The following RPL26 variants were observed in gnomAD, a reference collection of about 807,000 sequenced individuals.
The protein encoded by RPL26 is ribosomal protein L26.
In RPL26, 1 loss-of-function variant was observed where a neutral mutation model predicts 16.2. The ratio of observed to expected loss-of-function variants is 0.06; its 90% CI spans 0.02 to 0.29. The LOEUF (loss-of-function observed/expected upper bound fraction) is 0.29, where lower values mean the gene tolerates loss of function less well. Among genes scored for constraint, RPL26 ranks in the 10% least tolerant of loss-of-function variants. RPL26 has a pLI of 1.00. For missense variants in RPL26, 102 were observed against 184.3 expected, an observed-to-expected ratio of 0.55 and a Z score of 2.58; for synonymous variants, 55 against 62.4, an observed-to-expected ratio of 0.88 and a Z score of 0.56.
At chr17:8,381,937 A>T (rs1440475055) in intron 2 of RPL26, 9 of 434,268 alleles carry the variant, frequency 2.1e-5, no homozygotes, top group Non-Finnish European at 3.7e-5. Context: ...ATCTCAAAAA[A>T]AAAAAAAAAA....
chr17:8,383,002 G>A (rs1462973190), intron 1 of RPL26, 155 bp downstream of exon 1: 2 of 398,412 alleles, frequency 5.0e-6, no homozygotes, highest in Non-Finnish European at 8.8e-6. Flanking sequence ...GGCGGCCCTT[G>A]ATTTAAGAAA....
At chr17:8,378,212 T>TC (rs1353292531) in intron 3 of RPL26, among the ~76,000 whole-genome samples, 3 of 152,002 alleles carry the variant, frequency 2.0e-5, no homozygotes, top group Non-Finnish European at 2.9e-5. Context: ...ATGCCTGTAA[T>TC]CCCAGCTACC....
chr17:8,381,939 A>G (rs1907435831), intron 2 of RPL26: 1 of 467,252 alleles, frequency 2.1e-6, no homozygotes, highest in Admixed American at 4.2e-5. Context: ...CTCAAAAAAA[A>G]AAAAAAAAAA....
At chr17:8,379,996 T>C in intron 2 of RPL26, 60 bp from the exon 3 acceptor site, 2 of 1,452,314 alleles carry the variant, frequency 1.4e-6, no homozygotes, top group Non-Finnish European at 9.6e-7. Context: ...GTAAATCAAG[T>C]AAACAAACTC....
intron 3 of RPL26, 102 bp from the exon 4 acceptor site, chr17:8,377,794 G>A: frequency 9.7e-7 from 1 of 1,030,992 alleles, no homozygotes; most frequent in Non-Finnish European, 1.4e-6. Flanking sequence ...TGGGGTAGGT[G>A]GATGCCTAAT....
intron 3 of RPL26, among the ~76,000 whole-genome samples, chr17:8,377,904 G>A (rs1034479053): frequency 1.3e-5 from 2 of 152,246 alleles, no homozygotes; most frequent in East Asian, 3.8e-4. Flanking sequence ...GAAAAGGCAA[G>A]ATGGTATCAG....
intron 1 of RPL26, 56 bp downstream of exon 1, chr17:8,383,101 C>G (rs1235902832): frequency 2.5e-6 from 1 of 398,544 alleles, no homozygotes; most frequent in Non-Finnish European, 4.4e-6. Flanking sequence ...TCGGAAGCCA[C>G]CATGCCCAAG....
intron 2 of RPL26, 158 bp from the exon 3 acceptor site, chr17:8,380,094 A>C: frequency 1.7e-6 from 1 of 602,950 alleles, no homozygotes; most frequent in African/African-American, 1.9e-5. Flanking sequence ...ACAACAAGGA[A>C]TCTGTTACTC....
At chr17:8,381,407 G>A (rs1907402777) in intron 2 of RPL26, 2 of 152,118 alleles carry the variant, frequency 1.3e-5, no homozygotes, top group African/African-American at 2.4e-5. Context: ...ATTGATAAAA[G>A]GATTAATCCC....
In RPL26 at chr17:8,382,296, G is replaced by A. The variant is rs766566146; in HGVS notation, c.15C>T (p.Pro5=). The A allele has an allele frequency of 9.3e-6, 15 of 1,610,668 alleles. No homozygotes were observed. In the African/African-American group the frequency reaches 1.1e-4, roughly 11 times the overall value. The change falls in exon 2 of 4, where the codon CCC becomes CCT. Residue 5 remains proline (P), a synonymous_variant. Coordinates refer to ENST00000648839, the MANE Select transcript of RPL26 (RefSeq NM_000987.5). Reference sequence around the variant, plus strand: ...TCTTGCTTCGGTCGGAAGTCACAAAGGGATTAAACTTCATTTTGGCTAAAT... The same window carrying A: ...TCTTGCTTCGGTCGGAAGTCACAAAAGGATTAAACTTCATTTTGGCTAAAT... MKFN[P]FVTSDRSKNR...
chr17:8,381,504 T>C (rs764456891), intron 2 of RPL26, among the ~76,000 whole-genome samples: 1 of 151,726 alleles, frequency 6.6e-6, no homozygotes, highest in African/African-American at 2.4e-5. Context: ...TCCCCAGGAG[T>C]TGGAGACCAA....
intron 2 of RPL26, 61 bp from the exon 3 acceptor site, chr17:8,379,997 A>T (rs1907337622): frequency 6.9e-7 from 1 of 1,440,658 alleles, no homozygotes. Context: ...TAAATCAAGT[A>T]AACAAACTCA....
In RPL26 at chr17:8,379,941, G is replaced by C. The variant is rs746381469; in HGVS notation, c.169-5C>G. 41 of 1,604,266 alleles carry C rather than the reference G, an allele frequency of 2.6e-5. No individual in the cohort carries two copies. The highest frequency in any genetic ancestry group is 2.7e-5 in the Non-Finnish European group (32 of 1,176,114). ...TTTATAGTGTCCACGTACAACCTAAGAGCAAATTCAAAAGTAACAAATATT... is the reference window on the plus strand; with the variant it reads ...TTTATAGTGTCCACGTACAACCTAACAGCAAATTCAAAAGTAACAAATATT... On this transcript the variant is annotated splice_region_variant and splice_polypyrimidine_tract_variant and intron_variant, in intron 2 of 3. Coordinates refer to ENST00000648839, the MANE Select transcript of RPL26 (RefSeq NM_000987.5).
At chr17:8,382,040 G>C in intron 2 of RPL26, 103 bp downstream of exon 2, 1 of 1,023,570 alleles carries the variant, frequency 9.8e-7, no homozygotes, top group East Asian at 2.5e-5. Context: ...CACTCTTTGG[G>C]AGCAAGAGTC....
Position 8,379,850 on chromosome 17 carries a change from C to T in RPL26, c.255G>A (p.Val85=), listed in dbSNP as rs758125897. 6.2e-6 allele frequency: 10 copies of T among 1,613,746 alleles called. No individual in the cohort carries two copies. In the East Asian group the frequency reaches 6.7e-5, roughly 11 times the overall value. The change falls in exon 3 of 4, where the codon GTG becomes GTA. Residue 85 remains valine (V), a synonymous_variant. Coordinates refer to ENST00000648839, the MANE Select transcript of RPL26 (RefSeq NM_000987.5). ...RKKYVIYIER[V]QREKANGTTV... The stretch of plus-strand genomic sequence containing the variant: ...TTGTGCCATTAGCCTTTTCCCGCTG[C>T]ACCCGTTCAATGTAGATAACATATT...
Position 8,382,133 on chromosome 17 carries a change from G to A in RPL26, c.168+10C>T, listed in dbSNP as rs762918677. 2.5e-6 allele frequency: 4 copies of A among 1,609,416 alleles called. No homozygotes were observed. The highest frequency in any genetic ancestry group is 3.4e-4 in the Middle Eastern group (2 of 5,814). ...CCATCAAGACAACGAGAACAAGTAG[G>A]GATACACACCTGAACTTCATCATCC... On this transcript the variant is annotated intron_variant, in intron 2 of 3. Coordinates refer to ENST00000648839, the MANE Select transcript of RPL26 (RefSeq NM_000987.5).
intron 1 of RPL26, 72 bp from the exon 2 acceptor site, chr17:8,382,387 A>G (rs1907464901): frequency 2.0e-5 from 22 of 1,103,594 alleles, no homozygotes; most frequent in Non-Finnish European, 3.0e-5. Flanking sequence ...AACCGCAATG[A>G]TTTTATCTTG....
At chr17:8,382,522 A>G (rs1205108817) in intron 1 of RPL26, 2 of 518,260 alleles carry the variant, frequency 3.9e-6, no homozygotes, top group Non-Finnish European at 6.9e-6. Context: ...TGTTTTCTGT[A>G]TATGTTTACG....
chr17:8,382,984 T>G (rs1330550771), intron 1 of RPL26, 173 bp downstream of exon 1: 2 of 398,442 alleles, frequency 5.0e-6, no homozygotes, highest in Non-Finnish European at 8.8e-6. Context: ...TCCATCCATC[T>G]CCGGCCCGGC....
Sources: gnomAD v4.1 joint callset for allele counts (sites outside exome capture counted in the v4.1 genomes callset) on GRCh38, gnomAD v4.1.1 for gene constraint, MANE v1.5 for transcripts, NCBI Gene and HGNC (gene_info 2026-07-23, HGNC 2026-07-21) for gene names.